SAP30BP: variants seen among roughly 807,000 people sequenced by gnomAD.
The protein encoded by SAP30BP is SAP30-binding protein.
SAP30BP carries 31 observed loss-of-function variants against 46.3 expected under a neutral mutation model. That is an observed-to-expected ratio of 0.67 (90% CI 0.50 to 0.90). The LOEUF (loss-of-function observed/expected upper bound fraction) is 0.90, where lower values mean the gene tolerates loss of function less well. SAP30BP is among the 40% of genes least tolerant of loss of function. SAP30BP has a pLI of 0.00. For synonymous variants in SAP30BP, 169 were observed against 144.2 expected, an observed-to-expected ratio of 1.17 and a Z score of -1.23; for missense variants, 312 against 391.0, an observed-to-expected ratio of 0.80 and a Z score of 1.70.
intron 3 of SAP30BP, among the ~76,000 whole-genome samples, chr17:75,688,367 C>T (rs1422167165): frequency 6.6e-6 from 1 of 152,170 alleles, no homozygotes; most frequent in Non-Finnish European, 1.5e-5. Flanking sequence ...ATCTGCCTCC[C>T]TAGCTGCCAC....
rs982509207 is a variant in SAP30BP, at chr17:75,703,488, G to T, written c.549+117G>T. 10 of 836,974 alleles carry T rather than the reference G, an allele frequency of 1.2e-5. No homozygotes were observed. The African/African-American group carries it at 1.5e-4, about 13-fold the overall frequency. 51.8% of individuals were successfully genotyped at this position (836,974 alleles called of 1,614,324 possible). ...CACGTGGTGGCACGGCTCGTTGAAA[G>T]CACAGTCCCTGTCTCTTTTGTTTGA... On this transcript the variant is annotated intron_variant, in intron 7 of 10. Coordinates refer to ENST00000584667, the MANE Select transcript of SAP30BP (RefSeq NM_013260.8).
At chr17:75,705,744 G>T in intron 9 of SAP30BP, 1 of 1,141,488 alleles carries the variant, frequency 8.8e-7, no homozygotes, top group Non-Finnish European at 1.1e-6. Flanking sequence ...AGGTGGGGCG[G>T]TGGGCGGGGG....
At chr17:75,677,110 T>C (rs906652771) in intron 3 of SAP30BP, among the ~76,000 whole-genome samples, 4 of 148,410 alleles carry the variant, frequency 2.7e-5, no homozygotes, top group African/African-American at 9.9e-5. Context: ...AGAAAACTTT[T>C]TTTTTTTTTT....
At chr17:75,685,132 C>T (rs2060137376) in intron 3 of SAP30BP, among the ~76,000 whole-genome samples, 2 of 152,192 alleles carry the variant, frequency 1.3e-5, no homozygotes, top group Non-Finnish European at 2.9e-5. Flanking sequence ...GTGTCTGGTA[C>T]ACCCTCCCAT....
At chr17:75,676,428 A>G (rs1050867791) in intron 3 of SAP30BP, among the ~76,000 whole-genome samples, 2 of 152,234 alleles carry the variant, frequency 1.3e-5, no homozygotes, top group Admixed American at 6.5e-5. Context: ...GCAAGCCCAC[A>G]ATAAGGAGCA....
intron 4 of SAP30BP, among the ~76,000 whole-genome samples, chr17:75,697,157 A>C (rs2060334964): frequency 6.6e-6 from 1 of 152,110 alleles, no homozygotes; most frequent in Non-Finnish European, 1.5e-5. Context: ...CTGTTTTTCC[A>C]AAGGCTTTCC....
In SAP30BP at chr17:75,706,621, C is replaced by T; in HGVS notation, c.*100C>T. The T allele has an allele frequency of 2.7e-6, 3 of 1,104,102 alleles. No homozygotes were observed. Among genetic ancestry groups the T allele is most frequent in the South Asian group, 3.0e-5 (2 of 67,638 alleles). 68.4% of individuals were successfully genotyped at this position (1,104,102 alleles called of 1,614,324 possible). ...TATATTTCAGGACTGGGACCTACTC[C>T]CCAGATGCCACCTGAGAGGAGCTTC... On this transcript the variant is annotated 3_prime_UTR_variant, in exon 11 of 11. Coordinates refer to ENST00000584667, the MANE Select transcript of SAP30BP (RefSeq NM_013260.8). The surrounding 1 kb of genome is among the most constrained non-coding windows in gnomAD (Gnocchi z 4.6).
chr17:75,702,905 A>G (rs1440454795), intron 6 of SAP30BP: 1 of 303,090 alleles, frequency 3.3e-6, no homozygotes, highest in Admixed American at 4.6e-5. Flanking sequence ...CAATTACTGT[A>G]GGTTCATCTT....
intron 3 of SAP30BP, among the ~76,000 whole-genome samples, chr17:75,678,423 A>G (rs1328652380): frequency 2.0e-5 from 3 of 151,726 alleles, no homozygotes; most frequent in African/African-American, 7.3e-5. Context: ...AATAATGACA[A>G]GCAAAAAAGT....
chr17:75,699,707 T>G, intron 4 of SAP30BP, 76 bp from the exon 5 acceptor site: 9 of 951,084 alleles, frequency 9.5e-6, no homozygotes, highest in Non-Finnish European at 1.5e-5. Flanking sequence ...ACATTTTATG[T>G]GCTTATGTTT....
At chr17:75,679,429 T>C (rs2060042910) in intron 3 of SAP30BP, 1 of 152,184 alleles carries the variant, frequency 6.6e-6, no homozygotes, top group Non-Finnish European at 1.5e-5. Flanking sequence ...CAAAGTTGAG[T>C]ATTCTCTAAC....
At chr17:75,703,719 A>G in intron 7 of SAP30BP, 89 bp from the exon 8 acceptor site, 1 of 1,214,476 alleles carries the variant, frequency 8.2e-7, no homozygotes, top group East Asian at 2.3e-5. Flanking sequence ...AGGGGACCCC[A>G]GACCAAGAAG....
intron 3 of SAP30BP, among the ~76,000 whole-genome samples, chr17:75,688,465 G>T (rs757350801): frequency 6.6e-6 from 1 of 152,086 alleles, no homozygotes; most frequent in Admixed American, 6.6e-5. Context: ...TGGCTGCCCT[G>T]TGCCCCTGTT....
At chr17:75,704,729 T>C (rs1474753891) in intron 8 of SAP30BP, 27 bp from the exon 9 acceptor site, 2 of 1,603,276 alleles carry the variant, frequency 1.2e-6, no homozygotes, top group South Asian at 2.2e-5. Context: ...GGGGCCACCT[T>C]TGTAACAGCT....
At chr17:75,691,453 A>G (rs1365910931) in intron 3 of SAP30BP, 1 of 456,554 alleles carries the variant, frequency 2.2e-6, no homozygotes, top group South Asian at 1.5e-5. Flanking sequence ...ACTCCTTTCC[A>G]TCTCCAGGTT....
chr17:75,704,548 C>T (rs915827633), intron 8 of SAP30BP, among the ~76,000 whole-genome samples: 1 of 152,236 alleles, frequency 6.6e-6, no homozygotes, highest in Non-Finnish European at 1.5e-5. Flanking sequence ...CCCTTCCGGG[C>T]ACACACAGGG....
At chr17:75,685,022 G>A (rs1368026477) in intron 3 of SAP30BP, among the ~76,000 whole-genome samples, 1 of 152,162 alleles carries the variant, frequency 6.6e-6, no homozygotes, top group African/African-American at 2.4e-5. Context: ...CACTGCCAGA[G>A]GGGCCTTCTT....
chr17:75,667,590 C>T, intron 1 of SAP30BP, 112 bp downstream of exon 1: 3 of 922,106 alleles, frequency 3.3e-6, no homozygotes, highest in African/African-American at 1.6e-5. Flanking sequence ...CACCGGACCC[C>T]GAAGAATGGT....
intron 3 of SAP30BP, chr17:75,684,519 C>G (rs1328404159): frequency 6.6e-6 from 1 of 152,248 alleles, no homozygotes; most frequent in East Asian, 1.9e-4. Context: ...GAGCCATCCA[C>G]CACCCTTCTC....
Sources: gnomAD v4.1 joint callset for allele counts (sites outside exome capture counted in the v4.1 genomes callset) on GRCh38, gnomAD v4.1.1 for gene constraint, Gnocchi (gnomAD v3.1) non-coding constraint, MANE v1.5 for transcripts, NCBI Gene and HGNC (gene_info 2026-07-23, HGNC 2026-07-21) for gene names.